The following CREB5 variants were observed in gnomAD, a reference collection of about 807,000 sequenced individuals.
CREB5 encodes cAMP responsive element binding protein 5.
In CREB5, 19 loss-of-function variants were observed where a neutral mutation model predicts 57.1. The ratio of observed to expected loss-of-function variants is 0.33; its 90% confidence interval spans 0.23 to 0.49. The LOEUF (loss-of-function observed/expected upper bound fraction) is 0.49, where lower values mean the gene tolerates loss of function less well. CREB5 is among the 20% of genes least tolerant of loss of function. The pLI is 0.99. For synonymous variants in CREB5, 238 were observed against 238.3 expected (o/e 1.00, Z 0.01); for missense variants, 579 against 671.6 (o/e 0.86, Z 1.52).
chr7:28,670,528 C>T (rs1211137131), intron 5 of CREB5, among the ~76,000 whole-genome samples: 1 of 152,200 alleles, frequency 6.6e-6, no homozygotes, highest in Non-Finnish European at 1.5e-5. Context: ...GTCATTAATG[C>T]AGACTAAGAG....
chr7:28,378,542 T>C (rs1234656518), intron 1 of CREB5, among the ~76,000 whole-genome samples: 3 of 152,244 alleles, frequency 2.0e-5, no homozygotes, highest in Non-Finnish European at 4.4e-5. Context: ...CTGTTCCTGT[T>C]ACCCTTCTAT....
chr7:28,386,868 G>A (rs1301137424), intron 1 of CREB5, among the ~76,000 whole-genome samples: 2 of 152,228 alleles, frequency 1.3e-5, no homozygotes, highest in Admixed American at 6.5e-5. Context: ...GAGGACAATG[G>A]CCTCCAGCTC....
chr7:28,780,899 A>G lies in CREB5; in HGVS notation c.703-23300A>G, dbSNP rs529158304. 1.1e-3 allele frequency among the ~76,000 whole-genome samples: 172 copies of G among 152,268 alleles called. 1 individual carries two copies. Among genetic ancestry groups the G allele is most frequent in the African/African-American group, 4.0e-3 (167 of 41,556 alleles). On this transcript the variant is annotated intron_variant, in intron 7 of 10. Transcript: ENST00000357727. ...TACACTGTGTAGTTTTGCATTTAAG[A>G]TGACAAAACAGTAAAATATATTCAA...
intron 5 of CREB5, among the ~76,000 whole-genome samples, chr7:28,624,198 C>T (rs781687306): frequency 4.6e-5 from 7 of 152,324 alleles, no homozygotes; most frequent in South Asian, 4.1e-4. Flanking sequence ...ATCCTTTAGA[C>T]TCTGCACGTC....
At chr7:28,526,241 C>A (rs1583578599) in intron 4 of CREB5, among the ~76,000 whole-genome samples, 1 of 152,304 alleles carries the variant, frequency 6.6e-6, no homozygotes, top group East Asian at 1.9e-4. Flanking sequence ...TTATATAAAT[C>A]AAAAGTCCAA....
At chr7:28,551,869 TTTTTC>T (rs374400464) in intron 4 of CREB5, among the ~76,000 whole-genome samples, 6 of 120,414 alleles carry the variant, frequency 5.0e-5, no homozygotes, top group South Asian at 2.8e-4. Context: ...TCTTTCTTTC[TTTTTC>T]TTTCTTTCTT....
At chr7:28,318,226 C>T (rs930909664) in intron 1 of CREB5, among the ~76,000 whole-genome samples, 1 of 152,176 alleles carries the variant, frequency 6.6e-6, no homozygotes, top group Admixed American at 6.5e-5. Flanking sequence ...CTCATTCCCT[C>T]AGTTCAGATT....
intron 9 of CREB5, among the ~76,000 whole-genome samples, chr7:28,812,896 G>A (rs1402872146): frequency 6.6e-6 from 1 of 152,200 alleles, no homozygotes; most frequent in African/African-American, 2.4e-5. Flanking sequence ...CCAAGGTCTG[G>A]ATGGCCAGCT....
At chr7:28,492,799 C>T (rs1042882368) in intron 2 of CREB5, among the ~76,000 whole-genome samples, 5 of 149,674 alleles carry the variant, frequency 3.3e-5, no homozygotes, top group Non-Finnish European at 7.4e-5. Flanking sequence ...GTGTTATATA[C>T]GCATATAAAA....
In CREB5 at chr7:28,747,492, T is replaced by C. The variant is rs184656754; in HGVS notation, c.702+23160T>C. On this transcript the variant is annotated intron_variant, in intron 7 of 10. Transcript: ENST00000357727. ...GGAGTTACAGCAAATTCCCTTTAAG[T>C]GAGGAAGGAAGCTGTGTCACAGGGG... Among the ~76,000 whole-genome samples, 6 of 152,238 alleles carry C rather than the reference T, an allele frequency of 3.9e-5. No homozygotes were observed. In the East Asian group the frequency reaches 1.2e-3, roughly 29 times the overall value.
intron 1 of CREB5, among the ~76,000 whole-genome samples, chr7:28,325,499 C>T (rs1016893888): frequency 2.0e-5 from 3 of 152,132 alleles, no homozygotes; most frequent in Non-Finnish European, 4.4e-5. Flanking sequence ...TAAACCATTC[C>T]GAAGGCTTCC....
chr7:28,465,675 G>A (rs1481712726), intron 1 of CREB5, among the ~76,000 whole-genome samples: 3 of 152,144 alleles, frequency 2.0e-5, no homozygotes, highest in African/African-American at 7.2e-5. Context: ...AGGGAAAAAA[G>A]TACAACCATC....
intron 1 of CREB5, among the ~76,000 whole-genome samples, chr7:28,397,351 A>T (rs1437699492): frequency 3.9e-5 from 6 of 152,198 alleles, no homozygotes; most frequent in Non-Finnish European, 5.9e-5. Context: ...ATTTGGGGAA[A>T]CAAAACTTGG....
chr7:28,584,601 GA>G (rs1383936066), intron 5 of CREB5, among the ~76,000 whole-genome samples: 3 of 152,104 alleles, frequency 2.0e-5, no homozygotes, highest in Non-Finnish European at 4.4e-5. Flanking sequence ...CCCTGAGAAA[GA>G]ACCCCTGCTG....
Position 28,363,650 on chromosome 7 carries a change from G to A in CREB5, c.-25+64209G>A, listed in dbSNP as rs117946355. On this transcript the variant is annotated intron_variant, in intron 1 of 9. Coordinates refer to the CREB5 transcript ENST00000396299. ...TGAGAACTACATCATACTCATTTTT[G>A]TATCCTCCTTATTCACAGTACAGTG... is the stretch of plus-strand genomic sequence containing the variant. Among the ~76,000 whole-genome samples, 683 of 151,892 alleles carry A rather than the reference G, an allele frequency of 4.5e-3. 6 individuals carry two copies. Among genetic ancestry groups the A allele is most frequent in the Non-Finnish European group, 6.5e-3 (440 of 67,984 alleles).
At chr7:28,694,984 G>A (rs1433596599) in intron 5 of CREB5, among the ~76,000 whole-genome samples, 1 of 152,182 alleles carries the variant, frequency 6.6e-6, no homozygotes, top group Non-Finnish European at 1.5e-5. Flanking sequence ...ATGCAATTCG[G>A]GAGGCCAAGA....
At chr7:28,698,253 GACA>G (rs892934994) in intron 5 of CREB5, among the ~76,000 whole-genome samples, 7 of 149,950 alleles carry the variant, frequency 4.7e-5, no homozygotes, top group South Asian at 2.1e-4. Context: ...GAATCTTTTT[GACA>G]ACAACTGTAT....
intron 1 of CREB5, among the ~76,000 whole-genome samples, chr7:28,320,837 T>G (rs1455636242): frequency 2.0e-5 from 3 of 152,174 alleles, no homozygotes; most frequent in Admixed American, 6.5e-5. Context: ...AAAAGACAAA[T>G]GTAAGCAAAG....
chr7:28,481,320 G>T (rs1177212882), intron 1 of CREB5, among the ~76,000 whole-genome samples: 3 of 152,204 alleles, frequency 2.0e-5, no homozygotes, highest in East Asian at 1.9e-4. Flanking sequence ...GATACCAGGG[G>T]ATGGCAAATA....
Sources: gnomAD v4.1 joint callset for allele counts (sites outside exome capture counted in the v4.1 genomes callset) on GRCh38, gnomAD v4.1.1 for gene constraint, MANE v1.5 for transcripts, NCBI Gene and HGNC (gene_info 2026-07-23, HGNC 2026-07-21) for gene names.